TXLNB: variants seen among roughly 807,000 people sequenced by gnomAD.
TXLNB encodes beta-taxilin.
A neutral mutation model predicts 57.4 loss-of-function variants in TXLNB; 37 were observed. The observed-to-expected ratio is 0.64, with a 90% CI of 0.50 to 0.85. The LOEUF (loss-of-function observed/expected upper bound fraction) is 0.85. Among genes scored for constraint, TXLNB ranks in the 40% least tolerant of loss-of-function variants. The pLI is 0.00. For synonymous variants in TXLNB, 302 were observed against 309.6 expected (o/e 0.98, Z 0.26); for missense variants, 848 against 825.6 (o/e 1.03, Z -0.33).
the TXLNB span, among the ~76,000 whole-genome samples, chr6:139,210,694 C>A: frequency 6.6e-6 from 1 of 152,224 alleles, no homozygotes; most frequent in African/African-American, 2.4e-5. Flanking sequence ...ATCGCCTCAC[C>A]CGGGAAGTGC....
At chr6:139,262,913 C>G in intron 4 of TXLNB, 140 bp from the exon 5 acceptor site, 1 of 777,620 alleles carries the variant, frequency 1.3e-6, no homozygotes, top group Non-Finnish European at 2.0e-6. Flanking sequence ...CTGCTCAGCC[C>G]CAAAATAAAT....
the TXLNB span, among the ~76,000 whole-genome samples, chr6:139,169,377 A>G: frequency 1.2e-4 from 19 of 152,118 alleles, no homozygotes; most frequent in Non-Finnish European, 2.6e-4. Context: ...CGGAGTTACA[A>G]ATTTTCTGTT....
the TXLNB span, among the ~76,000 whole-genome samples, chr6:139,195,476 A>T: frequency 1.3e-5 from 2 of 152,184 alleles, no homozygotes; most frequent in African/African-American, 4.8e-5. Flanking sequence ...GTGCATAGCT[A>T]GAGTGTCTAA....
chr6:139,297,148 G>A, the TXLNB span, among the ~76,000 whole-genome samples: 10 of 152,182 alleles, frequency 6.6e-5, no homozygotes, highest in Admixed American at 3.9e-4. Flanking sequence ...GTCCTCATCC[G>A]TTGTGGTTTG....
the TXLNB span, chr6:139,182,852 C>T: frequency 6.6e-6 from 1 of 152,172 alleles, no homozygotes; most frequent in African/African-American, 2.4e-5. Context: ...TCATGAAGTT[C>T]AGTAAAACAA....
chr6:139,317,101 T>C, the TXLNB span, among the ~76,000 whole-genome samples: 3 of 152,234 alleles, frequency 2.0e-5, no homozygotes, highest in East Asian at 1.9e-4. Context: ...CAAGCAGAAC[T>C]TGAGATAGTT....
chr6:139,243,581 G>A (rs1301571684), intron 9 of TXLNB, among the ~76,000 whole-genome samples: 1 of 151,400 alleles, frequency 6.6e-6, no homozygotes, highest in Non-Finnish European at 1.5e-5. Context: ...AGATGGTCAG[G>A]CTTCCTTCTG....
the TXLNB span, among the ~76,000 whole-genome samples, chr6:139,228,762 G>A: frequency 7.9e-5 from 12 of 152,190 alleles, no homozygotes; most frequent in South Asian, 2.1e-3. Context: ...ACACTGGATC[G>A]GAGTGGCTTC....
the TXLNB span, among the ~76,000 whole-genome samples, chr6:139,196,671 G>A: frequency 7.9e-5 from 12 of 151,976 alleles, no homozygotes; most frequent in African/African-American, 2.4e-4. Flanking sequence ...CACTACACCC[G>A]GCCCAGATCT....
Position 139,288,472 on chromosome 6 carries a change from T to C in TXLNB, c.424+4A>G. On this transcript the variant is annotated splice_donor_region_variant and intron_variant, in intron 2 of 9. Coordinates refer to ENST00000358430, the MANE Select transcript of TXLNB (RefSeq NM_153235.4). The stretch of plus-strand genomic sequence containing the variant: ...AAGTCACATATTTGAACATAACTAC[T>C]TGCCTAATCCTTTTAGGATTTTCTT... 1 of 1,612,876 alleles carries C rather than the reference T, an allele frequency of 6.2e-7. No homozygotes were observed. The highest frequency in any genetic ancestry group is 1.1e-5 in the South Asian group (1 of 91,038).
chr6:139,222,515 A>G, the TXLNB span, among the ~76,000 whole-genome samples: 1 of 152,232 alleles, frequency 6.6e-6, no homozygotes, highest in Admixed American at 6.5e-5. Context: ...ACATATAAAA[A>G]TCTACAATGG....
chr6:139,300,106 C>A, the TXLNB span, among the ~76,000 whole-genome samples: 12 of 152,242 alleles, frequency 7.9e-5, no homozygotes, highest in African/African-American at 1.2e-4. Context: ...CCCCTCCTCC[C>A]CTGCTGATCA....
At chr6:139,256,038 C>T (rs528313167) in intron 6 of TXLNB, among the ~76,000 whole-genome samples, 2 of 152,136 alleles carry the variant, frequency 1.3e-5, no homozygotes, top group South Asian at 2.1e-4. Flanking sequence ...GCTATGATGG[C>T]ACTGCTGCAC....
the TXLNB span, among the ~76,000 whole-genome samples, chr6:139,303,128 T>C: frequency 3.9e-5 from 6 of 152,210 alleles, no homozygotes; most frequent in African/African-American, 7.2e-5. Flanking sequence ...AGTAGTGTCA[T>C]TGGTAATTAA....
chr6:139,222,027 C>CA, the TXLNB span, among the ~76,000 whole-genome samples: 3 of 151,332 alleles, frequency 2.0e-5, no homozygotes, highest in African/African-American at 7.3e-5. Flanking sequence ...ATCCAAAGTC[C>CA]AAAAAAATTT....
At chr6:139,176,972 C>T in the TXLNB span, 4 of 872,532 alleles carry the variant, frequency 4.6e-6, no homozygotes, top group Admixed American at 1.7e-5. This position sits in a 1 kb window ranked among gnomAD's most constrained non-coding sequence, Gnocchi z 4.5. Flanking sequence ...TGTGGGAAGC[C>T]GGTGATCGAC....
At chr6:139,194,941 C>T in the TXLNB span, among the ~76,000 whole-genome samples, 1 of 152,238 alleles carries the variant, frequency 6.6e-6, no homozygotes, top group Non-Finnish European at 1.5e-5. Context: ...GTTGCTGTAA[C>T]AAATTACCAC....
the TXLNB span, chr6:139,177,451 C>G: frequency 2.6e-4 from 44 of 169,748 alleles, no homozygotes; most frequent in African/African-American, 1.0e-3. This position sits in a 1 kb window ranked among gnomAD's most constrained non-coding sequence, Gnocchi z 4.9. Flanking sequence ...TGGAAGGAAA[C>G]TCTTACTAAA....
chr6:139,235,175 G>A (rs1057489684), downstream of TXLNB, among the ~76,000 whole-genome samples: 5 of 152,106 alleles, frequency 3.3e-5, no homozygotes, highest in African/African-American at 9.7e-5. Flanking sequence ...ACACCCAAAT[G>A]TTGCATTTTC....
Sources: gnomAD v4.1 joint callset for allele counts (sites outside exome capture counted in the v4.1 genomes callset) on GRCh38, gnomAD v4.1.1 for gene constraint, Gnocchi (gnomAD v3.1) non-coding constraint, MANE v1.5 for transcripts, NCBI Gene and HGNC (gene_info 2026-07-23, HGNC 2026-07-21) for gene names.